The following ATG13 variants were observed in gnomAD, a reference collection of about 807,000 sequenced individuals.
ATG13 encodes autophagy related 13.
In ATG13, 23 loss-of-function variants were observed where a neutral mutation model predicts 65.5. The observed-to-expected ratio is 0.35, with a 90% CI of 0.25 to 0.50. ATG13 has a LOEUF of 0.50. ATG13 is among the 20% of genes least tolerant of loss of function. The pLI is 0.98. For missense variants in ATG13, 566 were observed against 677.0 expected, an observed-to-expected ratio of 0.84 and a Z score of 1.82; for synonymous variants, 252 against 245.2, an observed-to-expected ratio of 1.03 and a Z score of -0.26.
chr11:46,617,926 C>T (rs1355859346), intron 1 of ATG13, 36 bp downstream of exon 1: 3 of 399,082 alleles, frequency 7.5e-6, no homozygotes, highest in Non-Finnish European at 8.8e-6. Flanking sequence ...CAAGATCTCT[C>T]AGCGCCCCCG....
chr11:46,644,370 C>G lies in ATG13; in HGVS notation c.69+10C>G. 1 of 1,594,092 alleles carries G rather than the reference C, an allele frequency of 6.3e-7. No individual in the cohort carries two copies. Among genetic ancestry groups the G allele is most frequent in the Non-Finnish European group, 8.6e-7 (1 of 1,168,262 alleles). Reference sequence around the variant, plus strand: ...ATTTTTTGCCCTCAAGGTAATGTGTCCATTCTCTTGAGCCTAGAACTGTTA... The same window carrying G: ...ATTTTTTGCCCTCAAGGTAATGTGTGCATTCTCTTGAGCCTAGAACTGTTA... On this transcript the variant is annotated intron_variant, in intron 3 of 18. Transcript: ENST00000683050.
At chr11:46,669,831 A>G (rs1378534955) in intron 18 of ATG13, among the ~76,000 whole-genome samples, 2 of 152,124 alleles carry the variant, frequency 1.3e-5, no homozygotes, top group Non-Finnish European at 2.9e-5. Context: ...TCTAACAGCC[A>G]TTGCATTAGC....
Position 46,621,602 on chromosome 11 carries a change from C to G in ATG13, c.-70+3712C>G, listed in dbSNP as rs2047524162. On this transcript the variant is annotated intron_variant, in intron 1 of 18. Transcript: ENST00000683050. ...ATTATGGATCTTACATTTATGTGCTCTTCTGACTTGTGCTTTTAATATTTT... is the reference window on the plus strand; with the variant it reads ...ATTATGGATCTTACATTTATGTGCTGTTCTGACTTGTGCTTTTAATATTTT... Among the ~76,000 whole-genome samples, 9 of 152,010 alleles carry G rather than the reference C, an allele frequency of 5.9e-5. No individual in the cohort carries two copies. The South Asian group carries it at 1.9e-3, about 32-fold the overall frequency.
chr11:46,662,248 C>G (rs939959843), intron 11 of ATG13, among the ~76,000 whole-genome samples: 1 of 152,030 alleles, frequency 6.6e-6, no homozygotes, highest in African/African-American at 2.4e-5. Context: ...TAAGCTCATC[C>G]CAGCTGTTCT....
At chr11:46,647,588 C>G (rs2057960728) in intron 5 of ATG13, among the ~76,000 whole-genome samples, 1 of 151,260 alleles carries the variant, frequency 6.6e-6, no homozygotes, top group South Asian at 2.1e-4. Context: ...TGCTATTGTT[C>G]TGAGACTGGG....
chr11:46,660,411 T>G (rs1440794577), intron 11 of ATG13, among the ~76,000 whole-genome samples: 3 of 151,362 alleles, frequency 2.0e-5, no homozygotes, highest in Non-Finnish European at 4.4e-5. Flanking sequence ...CAATTTTTCT[T>G]TTTCCCTTTT....
intron 11 of ATG13, among the ~76,000 whole-genome samples, chr11:46,662,445 C>T (rs2061397578): frequency 6.6e-6 from 1 of 152,202 alleles, no homozygotes. Flanking sequence ...TTAGTAGTTT[C>T]TGCACCTGGT....
chr11:46,647,280 GTTTTTTTTTTTTGT>G (rs1254132647), intron 5 of ATG13, among the ~76,000 whole-genome samples: 35 of 55,894 alleles, frequency 6.3e-4, no homozygotes, highest in Admixed American at 2.9e-3. Context: ...TGTTTTTTTT[GTTTTTTTTTTTTGT>G]TTTTTTTTTT....
At chr11:46,635,468 C>A (rs1187410365) in intron 2 of ATG13, among the ~76,000 whole-genome samples, 1 of 151,974 alleles carries the variant, frequency 6.6e-6, no homozygotes, top group Non-Finnish European at 1.5e-5. Context: ...ATAGAGAGAC[C>A]CCCATCTCTT....
intron 5 of ATG13, 153 bp from the exon 6 acceptor site, chr11:46,648,984 C>T: frequency 1.8e-6 from 1 of 549,692 alleles, no homozygotes; most frequent in Non-Finnish European, 3.1e-6. Context: ...CTGTGATTGC[C>T]CTTTTATTTA....
chr11:46,651,945 A>G (rs899144933), intron 7 of ATG13, among the ~76,000 whole-genome samples: 3 of 152,120 alleles, frequency 2.0e-5, no homozygotes, highest in Admixed American at 6.6e-5. Context: ...TTTATTAGGT[A>G]TCTCTGGAGT....
intron 5 of ATG13, among the ~76,000 whole-genome samples, chr11:46,647,503 C>T (rs1397704902): frequency 6.6e-6 from 1 of 151,872 alleles, no homozygotes; most frequent in Non-Finnish European, 1.5e-5. Flanking sequence ...GTCTCGAACT[C>T]CTGACTTCAG....
chr11:46,656,159 T>C, intron 7 of ATG13, 74 bp from the exon 8 acceptor site: 1 of 1,331,346 alleles, frequency 7.5e-7, no homozygotes, highest in South Asian at 1.2e-5. Flanking sequence ...TTATTTTGTT[T>C]CTACGTGTTT....
At chr11:46,627,189 G>A (rs1408805455) in intron 1 of ATG13, among the ~76,000 whole-genome samples, 3 of 152,144 alleles carry the variant, frequency 2.0e-5, no homozygotes, top group Admixed American at 2.0e-4. Context: ...AGTCCAGTCT[G>A]GCCAACATGA....
chr11:46,656,996 A>C, intron 8 of ATG13, 99 bp from the exon 9 acceptor site: 5 of 965,632 alleles, frequency 5.2e-6, no homozygotes, highest in Non-Finnish European at 8.4e-6. Context: ...GGATAATGCC[A>C]GAGATTACAC....
At chr11:46,618,050 C>CTAGG in intron 1 of ATG13, 160 bp downstream of exon 1, 1 of 396,464 alleles carries the variant, frequency 2.5e-6, no homozygotes, top group South Asian at 1.4e-4. Context: ...TTGAGTTGGT[C>CTAGG]TAGGCCCCGT....
chr11:46,618,597 T>G (rs1019407065), intron 1 of ATG13, among the ~76,000 whole-genome samples: 1 of 152,202 alleles, frequency 6.6e-6, no homozygotes, highest in Non-Finnish European at 1.5e-5. Flanking sequence ...GTGATAGAAT[T>G]TATTGGACAC....
At chr11:46,650,134 G>A in intron 6 of ATG13, 43 bp from the exon 7 acceptor site, 1 of 1,603,872 alleles carries the variant, frequency 6.2e-7, no homozygotes, top group Non-Finnish European at 8.5e-7. Context: ...TGTAGCTCCA[G>A]CGCTAAATAG....
At chr11:46,627,115 T>G (rs762788200) in intron 1 of ATG13, among the ~76,000 whole-genome samples, 1 of 152,116 alleles carries the variant, frequency 6.6e-6, no homozygotes, top group Non-Finnish European at 1.5e-5. Context: ...GCGTGATGGC[T>G]CACGCCTGTA....
Sources: gnomAD v4.1 joint callset for allele counts (sites outside exome capture counted in the v4.1 genomes callset) on GRCh38, gnomAD v4.1.1 for gene constraint, MANE v1.5 for transcripts, NCBI Gene and HGNC (gene_info 2026-07-23, HGNC 2026-07-21) for gene names.